PRKG1: variants seen among roughly 807,000 people sequenced by gnomAD.
PRKG1 encodes cGMP-dependent protein kinase 1.
In PRKG1, 35 loss-of-function variants were observed where a neutral mutation model predicts 88.1. That is an observed-to-expected ratio of 0.40 (90% confidence interval 0.30 to 0.53). The LOEUF is 0.53. Ranked by LOEUF, PRKG1 falls within the 20% of genes least tolerant of loss-of-function variation. PRKG1 has a pLI of 0.59. For synonymous variants in PRKG1, 303 were observed against 292.5 expected, an observed-to-expected ratio of 1.04 and a Z score of -0.37; for missense variants, 540 against 839.8, an observed-to-expected ratio of 0.64 and a Z score of 4.41.
chr10:51,085,589 T>G (rs916969970), intron 1 of PRKG1, among the ~76,000 whole-genome samples: 2 of 152,226 alleles, frequency 1.3e-5, no homozygotes, highest in South Asian at 4.2e-4. Context: ...CCAAAGACAC[T>G]TAGAAAAGTA....
intron 1 of PRKG1, among the ~76,000 whole-genome samples, chr10:51,089,211 C>T (rs1844337889): frequency 6.6e-6 from 1 of 152,026 alleles, no homozygotes; most frequent in Non-Finnish European, 1.5e-5. Flanking sequence ...TGTGTAATCC[C>T]AAACTCTGCA....
intron 9 of PRKG1, among the ~76,000 whole-genome samples, chr10:52,170,502 G>A (rs1289062993): frequency 1.3e-5 from 2 of 152,132 alleles, no homozygotes; most frequent in East Asian, 3.9e-4. Flanking sequence ...AGTGGCTGCA[G>A]GGCTGGCTCT....
At chr10:51,546,310 C>T (rs539853221) in intron 3 of PRKG1, among the ~76,000 whole-genome samples, 4 of 151,862 alleles carry the variant, frequency 2.6e-5, no homozygotes, top group South Asian at 2.1e-4. Flanking sequence ...ACTAAGTAGT[C>T]GTCATAGAGG....
At chr10:51,907,398 C>A in intron 4 of PRKG1, 109 bp from the exon 5 acceptor site, 5 of 769,610 alleles carry the variant, frequency 6.5e-6, no homozygotes, top group Non-Finnish European at 9.5e-6. Flanking sequence ...TTGGCAGATT[C>A]CTTGTCATGA....
chr10:51,563,434 A>G (rs1179110257), intron 3 of PRKG1, among the ~76,000 whole-genome samples: 3 of 152,162 alleles, frequency 2.0e-5, no homozygotes, highest in Non-Finnish European at 2.9e-5. Flanking sequence ...TTTCAATTTT[A>G]AAAAGGAGAG....
At chr10:52,170,864 A>G (rs1455138825) in intron 9 of PRKG1, among the ~76,000 whole-genome samples, 1 of 83,254 alleles carries the variant, frequency 1.2e-5, no homozygotes, top group Non-Finnish European at 2.6e-5. Flanking sequence ...TGCCTGTCAC[A>G]GAGAGGTTGC....
chr10:51,132,499 C>T (rs377204785), intron 1 of PRKG1, among the ~76,000 whole-genome samples: 1 of 151,930 alleles, frequency 6.6e-6, no homozygotes, highest in African/African-American at 2.4e-5. Context: ...GTCTTCCCTA[C>T]ATAAAAGGTT....
At position 51,039,774 on chromosome 10, in the gene PRKG1, T is replaced by C. The variant is rs562773215; in HGVS notation, c.266+48130T>C. On this transcript the variant is annotated intron_variant, in intron 1 of 17. Coordinates refer to the PRKG1 transcript ENST00000401604. ...TTCATTTTGATGTGATTTTTCTATA[T>C]GGTAAGGGGTCTAGTTTTGTTCTTC... 2.2e-4 allele frequency among the ~76,000 whole-genome samples: 34 copies of C among 152,314 alleles called. No individual in the cohort carries two copies. The South Asian group carries it at 7.0e-3, about 32-fold the overall frequency.
At chr10:51,749,677 T>C (rs549186492) in intron 3 of PRKG1, among the ~76,000 whole-genome samples, 1 of 152,320 alleles carries the variant, frequency 6.6e-6, no homozygotes, top group Non-Finnish European at 1.5e-5. Flanking sequence ...TGCTATATTC[T>C]ATAGTCTTAA....
rs190928781 is a variant in PRKG1, at chr10:52,246,705, C to T, written c.1077-4865C>T. The stretch of plus-strand genomic sequence containing the variant: ...CAGCCTGACCAACATGGTGAAACCC[C>T]ATCTCTACTAAAAATACAAAATGAG... On this transcript the variant is annotated intron_variant, in intron 9 of 17. Transcript: ENST00000373980. 2.0e-3 allele frequency among the ~76,000 whole-genome samples: 299 copies of T among 151,830 alleles called. 2 individuals carry two copies. The highest frequency in any genetic ancestry group is 6.8e-3 in the African/African-American group (281 of 41,416).
Position 50,999,824 on chromosome 10 carries a change from A to G in PRKG1, c.266+8180A>G, listed in dbSNP as rs1009821426. Among the ~76,000 whole-genome samples the G allele has an allele frequency of 2.0e-5, 3 of 152,244 alleles. No homozygotes were observed. The East Asian group carries it at 5.8e-4, about 29-fold the overall frequency. On this transcript the variant is annotated intron_variant, in intron 1 of 17. Transcript: ENST00000401604. Reference sequence around the variant, plus strand: ...GCTACATATGCTAAAAATTTTCCAAATAGAAAATTATTTTGTATCTCAGGT... The same window carrying G: ...GCTACATATGCTAAAAATTTTCCAAGTAGAAAATTATTTTGTATCTCAGGT...
intron 1 of PRKG1, among the ~76,000 whole-genome samples, chr10:51,037,338 G>A (rs557739917): frequency 6.6e-6 from 1 of 151,982 alleles, no homozygotes; most frequent in East Asian, 1.9e-4. Flanking sequence ...GCATCCTTGG[G>A]CATATTGCAG....
At chr10:51,994,161 G>C (rs1331181076) in intron 5 of PRKG1, among the ~76,000 whole-genome samples, 3 of 152,084 alleles carry the variant, frequency 2.0e-5, no homozygotes, top group Admixed American at 6.6e-5. Flanking sequence ...GAGGTCTAAG[G>C]AACTGAAGCT....
At chr10:51,067,130 T>C (rs1843760433) in intron 1 of PRKG1, among the ~76,000 whole-genome samples, 2 of 151,976 alleles carry the variant, frequency 1.3e-5, no homozygotes, top group Admixed American at 1.3e-4. Context: ...CATATGAACT[T>C]TGGGGGAGAC....
At chr10:51,055,992 G>C (rs1401005854) in intron 1 of PRKG1, among the ~76,000 whole-genome samples, 1 of 152,128 alleles carries the variant, frequency 6.6e-6, no homozygotes, top group Non-Finnish European at 1.5e-5. Context: ...GGGAAGGGAA[G>C]ACTGAGCCAA....
At chr10:51,183,313 AT>A (rs1238563550) in intron 2 of PRKG1, among the ~76,000 whole-genome samples, 1 of 152,140 alleles carries the variant, frequency 6.6e-6, no homozygotes, top group Non-Finnish European at 1.5e-5. Flanking sequence ...GAAGTGAATC[AT>A]TTTGCTTTTC....
At chr10:51,350,013 G>T (rs190810460) in intron 2 of PRKG1, among the ~76,000 whole-genome samples, 13 of 152,256 alleles carry the variant, frequency 8.5e-5, no homozygotes, top group Admixed American at 4.6e-4. Context: ...GGAGTTAAGG[G>T]GAGGAAGGAT....
intron 3 of PRKG1, among the ~76,000 whole-genome samples, chr10:51,527,243 A>G (rs1841905188): frequency 6.6e-6 from 1 of 152,090 alleles, no homozygotes; most frequent in African/African-American, 2.4e-5. Context: ...AAAAGAATAA[A>G]GGAGCAAACA....
chr10:51,458,487 A>C (rs1839654254), intron 2 of PRKG1, among the ~76,000 whole-genome samples: 2 of 151,672 alleles, frequency 1.3e-5, no homozygotes, highest in African/African-American at 4.8e-5. Context: ...TCCCTCGATT[A>C]GTTTATGCTA....
Sources: allele counts gnomAD v4.1 joint callset (sites outside exome capture counted in the v4.1 genomes callset), GRCh38; gene constraint gnomAD v4.1.1; transcripts MANE v1.5; gene names NCBI Gene and HGNC (gene_info 2026-07-23, HGNC 2026-07-21).